Variants in DTNB observed in about 807,000 individuals in gnomAD.
DTNB encodes DTN-B.
DTNB carries 63 observed loss-of-function variants against 90.7 expected under a neutral mutation model. The observed-to-expected ratio is 0.69, with a 90% CI of 0.57 to 0.86. DTNB has a LOEUF of 0.86. Ranked by LOEUF, DTNB falls within the 40% of genes least tolerant of loss-of-function variation. The probability of loss-of-function intolerance (pLI) is 0.00; values close to 1 mark genes in which losing one functional copy is unlikely to be tolerated. For missense variants in DTNB, 744 were observed against 807.1 expected, an observed-to-expected ratio of 0.92 and a Z score of 0.95; for synonymous variants, 277 against 286.7, an observed-to-expected ratio of 0.97 and a Z score of 0.34.
chr2:25,458,888 G>A (rs1431653698), intron 10 of DTNB, among the ~76,000 whole-genome samples: 2 of 151,908 alleles, frequency 1.3e-5, no homozygotes, highest in Non-Finnish European at 2.9e-5. Context: ...CTCGTGATCC[G>A]CCTGCCTCGG....
intron 3 of DTNB, among the ~76,000 whole-genome samples, chr2:25,629,729 A>G (rs1274788149): frequency 6.6e-6 from 1 of 152,174 alleles, no homozygotes; most frequent in East Asian, 1.9e-4. Context: ...ATAAAAACAC[A>G]ACAAACTAAA....
chr2:25,650,641 A>G (rs940008304), intron 2 of DTNB, among the ~76,000 whole-genome samples: 2 of 152,218 alleles, frequency 1.3e-5, no homozygotes, highest in Non-Finnish European at 2.9e-5. Context: ...GATGAGAAGC[A>G]AGTAAAGGAA....
intron 2 of DTNB, among the ~76,000 whole-genome samples, chr2:25,648,273 A>G (rs2079971014): frequency 6.6e-6 from 1 of 152,210 alleles, no homozygotes; most frequent in Admixed American, 6.5e-5. Context: ...ATAAATATTT[A>G]TCGAGGCACC....
intron 16 of DTNB, among the ~76,000 whole-genome samples, chr2:25,396,073 G>A (rs1388096869): frequency 6.6e-6 from 1 of 152,144 alleles, no homozygotes; most frequent in Non-Finnish European, 1.5e-5. Context: ...GCATACCATG[G>A]AATACTATTC....
intron 8 of DTNB, among the ~76,000 whole-genome samples, chr2:25,549,507 A>C (rs1263147039): frequency 1.3e-5 from 2 of 152,082 alleles, no homozygotes; most frequent in African/African-American, 2.4e-5. Flanking sequence ...ATTCTTTGGC[A>C]TGTTTTTATT....
intron 1 of DTNB, among the ~76,000 whole-genome samples, chr2:25,668,940 G>C (rs2085165649): frequency 6.6e-6 from 1 of 152,206 alleles, no homozygotes; most frequent in African/African-American, 2.4e-5. Flanking sequence ...ATATTATTCA[G>C]CCTTAAAAAG....
intron 8 of DTNB, among the ~76,000 whole-genome samples, 165 bp from the exon 9 acceptor site, chr2:25,531,762 T>C (rs904816476): frequency 5.3e-5 from 8 of 152,222 alleles, no homozygotes; most frequent in African/African-American, 1.4e-4. Flanking sequence ...AACCTCCAGT[T>C]GTTCCAAGGT....
At chr2:25,546,908 G>A (rs917664752) in intron 8 of DTNB, among the ~76,000 whole-genome samples, 3 of 151,716 alleles carry the variant, frequency 2.0e-5, no homozygotes, top group Admixed American at 6.6e-5. Context: ...TGCAGGTGGT[G>A]CAATCAGCGC....
chr2:25,540,581 C>T (rs189352373), intron 8 of DTNB, among the ~76,000 whole-genome samples: 120 of 151,922 alleles, frequency 7.9e-4, no homozygotes, highest in African/African-American at 2.7e-3. Context: ...ATGACAATGG[C>T]GGTTTTGTAG....
chr2:25,587,143 G>A (rs2062601196), intron 6 of DTNB, among the ~76,000 whole-genome samples: 1 of 152,140 alleles, frequency 6.6e-6, no homozygotes, highest in South Asian at 2.1e-4. Context: ...ACTGTGGTTC[G>A]ACTGCTGAGA....
At chr2:25,654,995 A>C (rs999130544) in intron 1 of DTNB, among the ~76,000 whole-genome samples, 1 of 152,234 alleles carries the variant, frequency 6.6e-6, no homozygotes, top group Non-Finnish European at 1.5e-5. Context: ...ACTCAACAGG[A>C]GCCATAACAC....
At chr2:25,425,152 A>G (rs370008304) in intron 15 of DTNB, among the ~76,000 whole-genome samples, 1 of 152,230 alleles carries the variant, frequency 6.6e-6, no homozygotes, top group Admixed American at 6.5e-5. Flanking sequence ...ACATTTTTAC[A>G]TAAGATTTTC....
intron 8 of DTNB, among the ~76,000 whole-genome samples, chr2:25,542,737 C>T (rs962779792): frequency 2.6e-5 from 4 of 152,096 alleles, no homozygotes; most frequent in Non-Finnish European, 4.4e-5. Context: ...CATCTTGAAT[C>T]GGTTTTGGTA....
intron 9 of DTNB, among the ~76,000 whole-genome samples, chr2:25,512,965 G>T (rs1170932726): frequency 1.3e-5 from 2 of 152,208 alleles, no homozygotes; most frequent in African/African-American, 2.4e-5. Context: ...CATTCTACAG[G>T]CAGTGAGGTT....
intron 16 of DTNB, chr2:25,388,564 C>CAG (rs932632697): frequency 3.2e-6 from 2 of 615,428 alleles, no homozygotes; most frequent in Non-Finnish European, 5.3e-6. Context: ...GCGTGCAGGG[C>CAG]AGAGAGAGAG....
intron 8 of DTNB, among the ~76,000 whole-genome samples, chr2:25,553,583 C>CA (rs1459759988): frequency 1.3e-4 from 20 of 151,026 alleles, no homozygotes; most frequent in African/African-American, 4.9e-4. Context: ...ACTAAAAATA[C>CA]AAAAAAATTA....
At chr2:25,506,340 T>C (rs954297303) in intron 9 of DTNB, among the ~76,000 whole-genome samples, 1 of 152,166 alleles carries the variant, frequency 6.6e-6, no homozygotes. Flanking sequence ...AGGTGACGGA[T>C]ACCCTAAATA....
chr2:25,594,540 T>C (rs1048339805), intron 6 of DTNB, among the ~76,000 whole-genome samples: 4 of 152,300 alleles, frequency 2.6e-5, no homozygotes, highest in Admixed American at 2.0e-4. Context: ...AGTATGTAGG[T>C]GGGGAGGGGC....
At chr2:25,583,756 T>C (rs2148241866) in intron 6 of DTNB, among the ~76,000 whole-genome samples, 1 of 152,110 alleles carries the variant, frequency 6.6e-6, no homozygotes, top group Admixed American at 6.5e-5. Context: ...CCTAACCTCA[T>C]GATCCACCCA....
Sources: gnomAD v4.1 joint callset for allele counts (sites outside exome capture counted in the v4.1 genomes callset) on GRCh38, gnomAD v4.1.1 for gene constraint, MANE v1.5 for transcripts, NCBI Gene and HGNC (gene_info 2026-07-23, HGNC 2026-07-21) for gene names.